Variants in WDR70 observed in about 807,000 individuals in gnomAD.
WDR70 encodes the protein WD repeat-containing protein 70.
A neutral mutation model predicts 88.6 loss-of-function variants in WDR70; 53 were observed. The ratio of observed to expected loss-of-function variants is 0.60; its 90% CI spans 0.48 to 0.75. The LOEUF is 0.75. Among genes scored for constraint, WDR70 ranks in the 30% least tolerant of loss-of-function variants. WDR70 has a pLI of 0.00. For missense variants in WDR70, 610 were observed against 823.2 expected, an observed-to-expected ratio of 0.74 and a Z score of 3.17; for synonymous variants, 280 against 270.0, an observed-to-expected ratio of 1.04 and a Z score of -0.36.
rs571188678 is a variant in WDR70, at chr5:37,683,979, A to G, written c.1093-13676A>G. Among the ~76,000 whole-genome samples the G allele has an allele frequency of 2.0e-5, 3 of 152,178 alleles. No homozygotes were observed. The South Asian group carries it at 6.3e-4, about 32-fold the overall frequency. ...CTCCCCATCTCTTTCAGGGACGCCA[A>G]TTAGTCGTAGATTTGGTCTCTTTAC... On this transcript the variant is annotated intron_variant, in intron 10 of 17. Coordinates refer to ENST00000265107, the MANE Select transcript of WDR70 (RefSeq NM_018034.4).
chr5:37,427,759 C>T (rs763212496), intron 5 of WDR70, among the ~76,000 whole-genome samples: 9 of 152,110 alleles, frequency 5.9e-5, no homozygotes, highest in South Asian at 2.1e-4. Flanking sequence ...TGGTGGCGCG[C>T]GCCTGTAATC....
intron 9 of WDR70, among the ~76,000 whole-genome samples, chr5:37,561,328 C>T (rs1009535792): frequency 8.5e-5 from 13 of 152,050 alleles, no homozygotes; most frequent in African/African-American, 2.9e-4. Flanking sequence ...TATAGAAAAC[C>T]GAGGGATAAG....
Position 37,724,948 on chromosome 5 carries a change from A to G in WDR70, c.1612A>G (p.Met538Val), listed in dbSNP as rs2112702208. The G allele has an allele frequency of 1.2e-6, 2 of 1,613,582 alleles. No individual in the cohort carries two copies. The highest frequency in any genetic ancestry group is 1.7e-6 in the Non-Finnish European group (2 of 1,179,668). ...ACTTCTTGTAGCTCATGCCTTGCCT[A>G]TGTTCCGTGAGCCCCGCCAACGGAG... ...DYIITPHALP[M>V]FREPRQRSTR... Residue 538 changes from methionine (M) to valine (V), a missense_variant, in exon 16 of 18, where the codon ATG (methionine) becomes GTG (valine). Physicochemically the swap from Met to Val is conservative, Grantham distance 21. Around this residue, in one of 4 missense-constraint regions of WDR70, gnomAD observed 254 missense variants for 300.7 expected, o/e 0.84. Coordinates refer to ENST00000265107, the MANE Select transcript of WDR70 (RefSeq NM_018034.4).
At chr5:37,518,430 C>A (rs1740961750) in intron 9 of WDR70, among the ~76,000 whole-genome samples, 1 of 151,926 alleles carries the variant, frequency 6.6e-6, no homozygotes, top group Non-Finnish European at 1.5e-5. Context: ...ATTTTTGGAT[C>A]TCACAAATAA....
At chr5:37,739,000 C>T (rs895821744) in intron 17 of WDR70, among the ~76,000 whole-genome samples, 3 of 152,202 alleles carry the variant, frequency 2.0e-5, no homozygotes, top group African/African-American at 2.4e-5. Context: ...GCAATGACCA[C>T]GTTGATGTCT....
intron 8 of WDR70, among the ~76,000 whole-genome samples, chr5:37,513,043 T>C (rs1244881308): frequency 2.0e-5 from 3 of 152,234 alleles, no homozygotes; most frequent in Admixed American, 6.5e-5. Context: ...TCTTTCAGTA[T>C]ATGTGTTACT....
At chr5:37,499,192 C>T (rs1740321559) in intron 8 of WDR70, among the ~76,000 whole-genome samples, 1 of 151,766 alleles carries the variant, frequency 6.6e-6, no homozygotes, top group Non-Finnish European at 1.5e-5. Flanking sequence ...CGGCTCACTG[C>T]AACCTCCACT....
intron 10 of WDR70, among the ~76,000 whole-genome samples, chr5:37,694,495 A>G (rs1304114632): frequency 2.0e-5 from 3 of 152,238 alleles, no homozygotes; most frequent in African/African-American, 7.2e-5. Context: ...TGGCACATAT[A>G]CACCATGGAA....
At chr5:37,510,947 G>A (rs62359006) in intron 8 of WDR70, among the ~76,000 whole-genome samples, 90,669 of 151,986 alleles carry the variant, frequency 0.6, 28,401 homozygotes, top group Non-Finnish European at 0.69. Flanking sequence ...ATCATACCAG[G>A]AAGTATGTGA....
intron 5 of WDR70, among the ~76,000 whole-genome samples, chr5:37,398,113 G>C (rs1377153031): frequency 9.3e-6 from 1 of 107,418 alleles, no homozygotes; most frequent in African/African-American, 3.8e-5. Context: ...TTTGAGACGG[G>C]AGTCTCACTC....
At chr5:37,649,677 A>C (rs978448912) in intron 10 of WDR70, among the ~76,000 whole-genome samples, 1 of 150,006 alleles carries the variant, frequency 6.7e-6, no homozygotes, top group East Asian at 2.0e-4. Flanking sequence ...GTTATAGTAC[A>C]TATGTAAGCA....
At chr5:37,567,320 G>T (rs1401952245) in intron 9 of WDR70, among the ~76,000 whole-genome samples, 1 of 152,116 alleles carries the variant, frequency 6.6e-6, no homozygotes. Flanking sequence ...TTTTATAATA[G>T]CTCTCAGAGG....
At chr5:37,415,683 C>A (rs1289100148) in intron 5 of WDR70, among the ~76,000 whole-genome samples, 4 of 150,826 alleles carry the variant, frequency 2.7e-5, no homozygotes, top group African/African-American at 9.8e-5. Flanking sequence ...ACCTCCCTCC[C>A]GCCGGGCGGA....
At chr5:37,437,512 A>G (rs549912334) in intron 5 of WDR70, among the ~76,000 whole-genome samples, 41 of 152,268 alleles carry the variant, frequency 2.7e-4, no homozygotes, top group Admixed American at 1.1e-3. Flanking sequence ...TGGTAAGCAG[A>G]TATATCAACC....
chr5:37,642,590 T>C (rs544254190), intron 10 of WDR70, among the ~76,000 whole-genome samples: 1 of 152,258 alleles, frequency 6.6e-6, no homozygotes, highest in Non-Finnish European at 1.5e-5. Flanking sequence ...TACATAGTGG[T>C]TGTACTGATT....
intron 17 of WDR70, among the ~76,000 whole-genome samples, chr5:37,734,723 G>T (rs1748249270): frequency 6.6e-6 from 1 of 151,992 alleles, no homozygotes; most frequent in African/African-American, 2.4e-5. Flanking sequence ...GTGAAATGAG[G>T]GAGTGAGCCA....
chr5:37,538,891 A>G (rs537782242), intron 9 of WDR70, among the ~76,000 whole-genome samples: 14 of 152,352 alleles, frequency 9.2e-5, no homozygotes, highest in South Asian at 8.3e-4. Flanking sequence ...GTGAATTTCT[A>G]TGATCTAATG....
intron 7 of WDR70, among the ~76,000 whole-genome samples, chr5:37,464,890 C>T (rs562163183): frequency 2.0e-5 from 3 of 152,210 alleles, no homozygotes; most frequent in Admixed American, 6.5e-5. Context: ...AGGAAAATCT[C>T]CTCTTACAAT....
intron 17 of WDR70, 21 bp from the exon 18 acceptor site, chr5:37,752,465 C>G (rs766626554): frequency 3.1e-6 from 5 of 1,588,034 alleles, no homozygotes; most frequent in Non-Finnish European, 4.3e-6. Context: ...TTTTCCTTCT[C>G]TTCTTTAACT....
Sources: gnomAD v4.1 joint callset for allele counts (sites outside exome capture counted in the v4.1 genomes callset) on GRCh38, gnomAD v4.1.1 for gene constraint, gnomAD v4.1.1 regional missense constraint, MANE v1.5 for transcripts, NCBI Gene and HGNC (gene_info 2026-07-23, HGNC 2026-07-21) for gene names.